CPEB3: variants seen among roughly 807,000 people sequenced by gnomAD.
CPEB3 encodes the protein cytoplasmic polyadenylation element-binding protein 3.
Under a neutral mutation model 67.2 loss-of-function variants are expected in CPEB3, and 20 were observed. The ratio of observed to expected loss-of-function variants is 0.30; its 90% confidence interval spans 0.21 to 0.43. The LOEUF is 0.43. Ranked by LOEUF, CPEB3 falls within the 20% of genes least tolerant of loss-of-function variation. The pLI is 1.00. For missense variants in CPEB3, 746 were observed against 968.6 expected, an observed-to-expected ratio of 0.77 and a Z score of 3.05; for synonymous variants, 376 against 393.1, an observed-to-expected ratio of 0.96 and a Z score of 0.51.
intron 4 of CPEB3, among the ~76,000 whole-genome samples, chr10:92,152,673 T>C (rs1847018039): frequency 6.6e-6 from 1 of 152,214 alleles, no homozygotes; most frequent in Non-Finnish European, 1.5e-5. Context: ...CATTTGTATA[T>C]ATTTAAAAAT....
intron 4 of CPEB3, among the ~76,000 whole-genome samples, chr10:92,171,437 C>T (rs572200899): frequency 6.6e-6 from 1 of 152,266 alleles, no homozygotes; most frequent in African/African-American, 2.4e-5. Context: ...CCACCCTCCA[C>T]CCCCAACCAG....
intron 9 of CPEB3, among the ~76,000 whole-genome samples, chr10:92,066,565 C>T (rs1039871651): frequency 6.6e-6 from 1 of 152,126 alleles, no homozygotes; most frequent in African/African-American, 2.4e-5. Flanking sequence ...TCTTGGAAAG[C>T]CCATTTATCT....
chr10:92,204,142 T>C (rs1184433134), intron 2 of CPEB3: 2 of 152,120 alleles, frequency 1.3e-5, no homozygotes, highest in Admixed American at 6.6e-5. Flanking sequence ...AGCATCTCCC[T>C]AGAAGCATCA....
intron 2 of CPEB3, among the ~76,000 whole-genome samples, chr10:92,223,749 ATTT>A (rs377483708): frequency 3.6e-5 from 4 of 111,434 alleles, no homozygotes; most frequent in Non-Finnish European, 5.6e-5. Flanking sequence ...AATTTTTGTA[ATTT>A]TTTTTTTTTT....
At chr10:92,218,721 T>G (rs1850553671) in intron 2 of CPEB3, among the ~76,000 whole-genome samples, 1 of 152,088 alleles carries the variant, frequency 6.6e-6, no homozygotes, top group Non-Finnish European at 1.5e-5. Flanking sequence ...GTAAGAACAA[T>G]AGAGATTGTC....
At chr10:92,188,320 T>TAAAAAAA (rs756970118) in intron 3 of CPEB3, among the ~76,000 whole-genome samples, 22 of 36,974 alleles carry the variant, frequency 6.0e-4, no homozygotes, top group African/African-American at 1.9e-3. Flanking sequence ...TAAGACATAG[T>TAAAAAAA]AAAAAAAAAA....
In CPEB3 at chr10:92,239,609, C is replaced by T. The variant is rs780762912; in HGVS notation, c.742G>A (p.Val248Met). ...GACGGTGCGCTCCAGGCTGCATTCA[C>T]GCTTTGGTGCGTGTTCCAGCTGGAC... ...ASSSWNTHQSVNAAWSAPSNP... is the reference protein window; with the variant it reads ...ASSSWNTHQSMNAAWSAPSNP... The change falls in exon 2 of 10, where the codon GTG becomes ATG. Residue 248 changes from valine (V) to methionine (M), a missense_variant. Val to Met is a conservative substitution (Grantham distance 21, BLOSUM62 1). Around this residue, in one of 2 missense-constraint regions of CPEB3, gnomAD observed 643 missense variants for 717.5 expected, o/e 0.90. Coordinates refer to ENST00000265997, the MANE Select transcript of CPEB3 (RefSeq NM_014912.5). This position sits in a 1 kb window ranked among gnomAD's most constrained non-coding sequence, Gnocchi z 6.0. The T allele has an allele frequency of 1.2e-5, 18 of 1,556,286 alleles. No homozygotes were observed. In the African/African-American group the frequency reaches 1.9e-4, roughly 16 times the overall value.
intron 3 of CPEB3, among the ~76,000 whole-genome samples, chr10:92,191,205 C>T (rs143073112): frequency 1.3e-5 from 2 of 152,054 alleles, no homozygotes; most frequent in South Asian, 4.2e-4. Context: ...AGTCTGAGAA[C>T]AGCCTGGCCA....
intron 1 of CPEB3, among the ~76,000 whole-genome samples, chr10:92,258,222 C>T (rs1852609820): frequency 1.3e-5 from 2 of 151,646 alleles, no homozygotes. Context: ...GCCTCAGCCT[C>T]CTGAGTAGCT....
intron 4 of CPEB3, among the ~76,000 whole-genome samples, chr10:92,158,070 T>A (rs1472352037): frequency 6.6e-6 from 1 of 152,020 alleles, no homozygotes; most frequent in Admixed American, 6.6e-5. Context: ...CCATAGCTCC[T>A]GGCTGCATGT....
intron 1 of CPEB3, among the ~76,000 whole-genome samples, chr10:92,257,656 C>A (rs1046658697): frequency 1.3e-5 from 2 of 150,512 alleles, no homozygotes; most frequent in Non-Finnish European, 3.0e-5. Context: ...TACATAAAAA[C>A]AATGTATAAA....
At chr10:92,194,840 G>C (rs1849155739) in intron 2 of CPEB3, among the ~76,000 whole-genome samples, 1 of 152,004 alleles carries the variant, frequency 6.6e-6, no homozygotes. Context: ...AGGAGATCGA[G>C]ACCATCCTGG....
In CPEB3 at chr10:92,181,023, AAAAAT is replaced by A. The variant is rs780742695; in HGVS notation, c.1166-9_1166-5del. 6 of 1,475,532 alleles carry A rather than the reference AAAAAT, an allele frequency of 4.1e-6. No homozygotes were observed. In the African/African-American group the frequency reaches 6.9e-5, roughly 17 times the overall value. 91.4% of individuals were successfully genotyped at this position (1,475,532 alleles called of 1,614,324 possible). A position where few individuals can be genotyped will look rare whatever the true frequency, so the allele number is the denominator to read the frequency against. ...TGGAAATTTATCCCCATGCGTCCTA[AAAAAT>A]AAAATAATTTTAAGCAAAAAGAATG... On this transcript the variant is annotated splice_region_variant and splice_polypyrimidine_tract_variant and intron_variant, in intron 3 of 9. Transcript: ENST00000265997.
intron 1 of CPEB3, among the ~76,000 whole-genome samples, chr10:92,278,930 A>G (rs554679510): frequency 1.4e-5 from 2 of 146,234 alleles, no homozygotes; most frequent in African/African-American, 5.0e-5. Flanking sequence ...TGTTTTTATT[A>G]TTTTTTTTTT....
chr10:92,136,191 A>G (rs181977525), intron 6 of CPEB3, among the ~76,000 whole-genome samples: 1 of 152,214 alleles, frequency 6.6e-6, no homozygotes, highest in Admixed American at 6.5e-5. Context: ...TTAAGACCTC[A>G]AACTATGAAA....
chr10:92,266,944 G>T (rs934771490), intron 1 of CPEB3, among the ~76,000 whole-genome samples: 6 of 152,008 alleles, frequency 3.9e-5, no homozygotes, highest in Admixed American at 3.9e-4. Flanking sequence ...TAAGGCAGGA[G>T]AATCACTTGA....
At chr10:92,108,643 T>C (rs562259815) in intron 7 of CPEB3, among the ~76,000 whole-genome samples, 1 of 152,240 alleles carries the variant, frequency 6.6e-6, no homozygotes, top group African/African-American at 2.4e-5. Flanking sequence ...CAAAGAAATG[T>C]GTGATTGGCA....
At chr10:92,226,667 CAG>C (rs1850989296) in intron 2 of CPEB3, among the ~76,000 whole-genome samples, 1 of 152,084 alleles carries the variant, frequency 6.6e-6, no homozygotes, top group South Asian at 2.1e-4. Context: ...CAGCTCATTA[CAG>C]AGAGTGATGA....
At chr10:92,229,954 G>A (rs951880467) in intron 2 of CPEB3, among the ~76,000 whole-genome samples, 1 of 152,142 alleles carries the variant, frequency 6.6e-6, no homozygotes, top group Non-Finnish European at 1.5e-5. Flanking sequence ...GCTGAGGCAG[G>A]AGAATTGCTT....
Sources: allele counts gnomAD v4.1 joint callset (sites outside exome capture counted in the v4.1 genomes callset), GRCh38; gene constraint gnomAD v4.1.1; regional missense constraint gnomAD v4.1.1; non-coding constraint Gnocchi (gnomAD v3.1); transcripts MANE v1.5; gene names NCBI Gene and HGNC (gene_info 2026-07-23, HGNC 2026-07-21).